CDC42BPA: variants seen among roughly 807,000 people sequenced by gnomAD.
The protein encoded by CDC42BPA is serine/threonine-protein kinase MRCK alpha.
Under a neutral mutation model 223.5 loss-of-function variants are expected in CDC42BPA, and 80 were observed. The ratio of observed to expected loss-of-function variants is 0.36; its 90% confidence interval spans 0.30 to 0.43. The LOEUF (loss-of-function observed/expected upper bound fraction) is 0.43, where lower values mean the gene tolerates loss of function less well. CDC42BPA is among the 20% of genes least tolerant of loss of function. The pLI, the probability that CDC42BPA is intolerant of heterozygous loss-of-function variation, is 1.00. For missense variants in CDC42BPA, 1,743 were observed against 2,099.9 expected, an observed-to-expected ratio of 0.83 and a Z score of 3.32; for synonymous variants, 694 against 718.6, an observed-to-expected ratio of 0.97 and a Z score of 0.55.
chr1:227,075,871 A>C (rs1289092871), intron 17 of CDC42BPA, among the ~76,000 whole-genome samples: 1 of 152,172 alleles, frequency 6.6e-6, no homozygotes, highest in Non-Finnish European at 1.5e-5. Context: ...TTTCCAAGAA[A>C]CTGTGAAGTC....
intron 2 of CDC42BPA, among the ~76,000 whole-genome samples, chr1:227,240,807 T>C (rs1465692925): frequency 6.6e-6 from 1 of 151,814 alleles, no homozygotes; most frequent in Non-Finnish European, 1.5e-5. Context: ...AAAACATAGA[T>C]ATCTTTGTGA....
intron 16 of CDC42BPA, 39 bp downstream of exon 16, chr1:227,091,847 G>C: frequency 9.2e-7 from 1 of 1,091,966 alleles, no homozygotes; most frequent in Non-Finnish European, 1.4e-6. Context: ...TGAACATCTA[G>C]CATGTACTAC....
chr1:227,270,209 T>C (rs1452566753), intron 1 of CDC42BPA, among the ~76,000 whole-genome samples: 3 of 152,214 alleles, frequency 2.0e-5, no homozygotes, highest in Non-Finnish European at 4.4e-5. Flanking sequence ...ATGTTAATTA[T>C]GCTGTGTATG....
At chr1:227,189,796 A>C (rs762149933) in intron 5 of CDC42BPA, among the ~76,000 whole-genome samples, 1 of 152,236 alleles carries the variant, frequency 6.6e-6, no homozygotes, top group African/African-American at 2.4e-5. Context: ...TAAAAAGAAC[A>C]CAAGAAAAAG....
chr1:227,083,744 A>C (rs530572158), intron 16 of CDC42BPA, among the ~76,000 whole-genome samples: 2 of 152,354 alleles, frequency 1.3e-5, no homozygotes, highest in South Asian at 4.1e-4. Flanking sequence ...AAGATAGATC[A>C]AAGATTGAAA....
At chr1:227,261,326 G>A (rs1684029237) in intron 1 of CDC42BPA, among the ~76,000 whole-genome samples, 1 of 150,550 alleles carries the variant, frequency 6.6e-6, no homozygotes, top group African/African-American at 2.5e-5. Flanking sequence ...ATGTTGGCCA[G>A]GCTGGTCTTG....
At chr1:227,218,540 G>A (rs929129958) in intron 2 of CDC42BPA, among the ~76,000 whole-genome samples, 1 of 152,104 alleles carries the variant, frequency 6.6e-6, no homozygotes, top group Non-Finnish European at 1.5e-5. Context: ...ACTTAAATTA[G>A]TAAACTAATG....
chr1:227,145,686 C>T lies in CDC42BPA; in HGVS notation c.946G>A (p.Asp316Asn). ...QVTDVSENAK[D>N]LIRRLICSRE... ...CTACAAATGAGCCTTCGAATAAGAT[C>T]CTTAGCATTTTCAGACACATCAGTC... The change falls in exon 8 of 37, where the codon GAT becomes AAT. Residue 316 changes from aspartate (D) to asparagine (N), a missense_variant. Transcript: ENST00000366766. 1 of 1,613,638 alleles carries T rather than the reference C, an allele frequency of 6.2e-7. No homozygotes were observed. The highest frequency in any genetic ancestry group is 8.5e-7 in the Non-Finnish European group (1 of 1,179,654).
At chr1:227,084,387 G>A (rs1378094237) in intron 16 of CDC42BPA, among the ~76,000 whole-genome samples, 3 of 152,042 alleles carry the variant, frequency 2.0e-5, no homozygotes, top group Admixed American at 6.5e-5. Flanking sequence ...AATTAGATGG[G>A]TGTGGTGGCA....
chr1:227,094,741 G>A (rs1683683218), intron 15 of CDC42BPA, among the ~76,000 whole-genome samples: 1 of 152,162 alleles, frequency 6.6e-6, no homozygotes, highest in African/African-American at 2.4e-5. Context: ...CAATATTCAG[G>A]TGTAGTTTTT....
At chr1:227,143,171 TA>T in intron 8 of CDC42BPA, 147 bp from the exon 9 acceptor site, 1 of 437,476 alleles carries the variant, frequency 2.3e-6, no homozygotes, top group Non-Finnish European at 4.0e-6. Flanking sequence ...TATAGTTGTT[TA>T]GTGATATAAA....
At chr1:227,159,243 T>C (rs1317867773) in intron 6 of CDC42BPA, among the ~76,000 whole-genome samples, 1 of 152,128 alleles carries the variant, frequency 6.6e-6, no homozygotes, top group Non-Finnish European at 1.5e-5. Context: ...TCCCAGCACT[T>C]TGGGAGGCCG....
chr1:227,050,431 T>C (rs1673316579), intron 22 of CDC42BPA, among the ~76,000 whole-genome samples: 1 of 152,138 alleles, frequency 6.6e-6, no homozygotes, highest in Non-Finnish European at 1.5e-5. Flanking sequence ...AAAATGCATA[T>C]AACATACAAC....
At chr1:227,142,850 C>T (rs1659948792) in intron 9 of CDC42BPA, 95 bp downstream of exon 9, 1 of 698,344 alleles carries the variant, frequency 1.4e-6, no homozygotes, top group Non-Finnish European at 2.3e-6. Flanking sequence ...GATCTCCTGA[C>T]CTCATGATAC....
intron 14 of CDC42BPA, among the ~76,000 whole-genome samples, chr1:227,107,653 T>TG (rs1446102085): frequency 6.6e-6 from 1 of 152,214 alleles, no homozygotes; most frequent in African/African-American, 2.4e-5. Flanking sequence ...GGTGTGGTCT[T>TG]GGACTTTTCT....
intron 4 of CDC42BPA, among the ~76,000 whole-genome samples, chr1:227,195,455 C>T (rs954188435): frequency 1.1e-4 from 17 of 151,864 alleles, no homozygotes; most frequent in African/African-American, 4.1e-4. Flanking sequence ...GGATTACAGG[C>T]GTGAGCCACC....
At chr1:227,230,990 A>AT (rs1246708128) in intron 2 of CDC42BPA, among the ~76,000 whole-genome samples, 4 of 150,308 alleles carry the variant, frequency 2.7e-5, no homozygotes, top group South Asian at 2.1e-4. Context: ...CTAGCTAATA[A>AT]TTTTTTTTAT....
intron 16 of CDC42BPA, 80 bp downstream of exon 16, chr1:227,091,806 A>G (rs1683125305): frequency 2.9e-6 from 2 of 692,282 alleles, no homozygotes; most frequent in Non-Finnish European, 4.7e-6. Context: ...TATGTCAAAT[A>G]TAAAGTTATA....
intron 2 of CDC42BPA, among the ~76,000 whole-genome samples, chr1:227,230,820 C>CTTTTTTTTTTTTTTT (rs1198828997): frequency 2.2e-5 from 2 of 91,596 alleles, no homozygotes; most frequent in Non-Finnish European, 4.2e-5. Context: ...TTCTTTCTTT[C>CTTTTTTTTTTTTTTT]TTTTTTTTTT....
Sources: allele counts gnomAD v4.1 joint callset (sites outside exome capture counted in the v4.1 genomes callset), GRCh38; gene constraint gnomAD v4.1.1; transcripts MANE v1.5; gene names NCBI Gene and HGNC (gene_info 2026-07-23, HGNC 2026-07-21).